Variants in TEX29 observed in about 807,000 individuals in gnomAD.
The protein encoded by TEX29 is testis expressed 29.
In TEX29, 26 loss-of-function variants were observed where a neutral mutation model predicts 18.2. The observed-to-expected ratio is 1.43, with a 90% confidence interval of 1.04 to 1.98. The LOEUF (loss-of-function observed/expected upper bound fraction) is 1.98, where lower values mean the gene tolerates loss of function less well. TEX29 is among the 30% of genes most tolerant of loss of function. The pLI is 0.00. For missense variants in TEX29, 177 were observed against 194.2 expected (o/e 0.91, Z 0.53); for synonymous variants, 83 against 78.5 (o/e 1.06, Z -0.31).
intron 5 of TEX29, among the ~76,000 whole-genome samples, chr13:111,343,774 T>A (rs890273016): frequency 3.3e-5 from 5 of 152,160 alleles, no homozygotes; most frequent in African/African-American, 1.2e-4. Context: ...CACACTTGAT[T>A]TCAGATCTGG....
rs756662997 is a variant in TEX29, at chr13:111,328,240, A to C, written c.116A>C (p.Gln39Pro). 1 of 1,614,072 alleles carries C rather than the reference A, an allele frequency of 6.2e-7. No individual in the cohort carries two copies. The highest frequency in any genetic ancestry group is 1.7e-5 in the Admixed American group (1 of 60,028). Residue 39 changes from glutamine (Q) to proline (P), a missense_variant, in exon 3 of 6, where the codon CAG (glutamine) becomes CCG (proline). Gln to Pro is a moderately conservative substitution (Grantham distance 76). Transcript: ENST00000283547. ...TACAACGTCTCCAGGGACCGATGCC[A>C]GGAGCTCGGGTGCTGCTTCTACGAA... ...CDYNVSRDRC[Q>P]ELGCCFYEGV... is the part of the protein sequence containing the mutation.
At chr13:111,324,972 C>T (rs542436052) in intron 2 of TEX29, among the ~76,000 whole-genome samples, 143 of 152,290 alleles carry the variant, frequency 9.4e-4, no homozygotes, top group Non-Finnish European at 1.8e-3. Context: ...ATGGCAGCCC[C>T]ACTGTCCCTG....
Position 111,327,571 on chromosome 13 carries a change from G to A in TEX29, c.59-612G>A, listed in dbSNP as rs536172321. Among the ~76,000 whole-genome samples the A allele has an allele frequency of 1.7e-3, 254 of 152,256 alleles. 1 individual carries two copies. The highest frequency in any genetic ancestry group is 3.0e-3 in the Non-Finnish European group (202 of 67,996). On this transcript the variant is annotated intron_variant, in intron 2 of 5. Coordinates refer to ENST00000283547, the MANE Select transcript of TEX29 (RefSeq NM_152324.3). Reference sequence around the variant, plus strand: ...CCCAGTCCCTCGGTGGCCCATGGCCGATCAAGGCAGCCACATCCCTCGGGG... The same window carrying A: ...CCCAGTCCCTCGGTGGCCCATGGCCAATCAAGGCAGCCACATCCCTCGGGG...
At position 111,326,088 on chromosome 13, in the gene TEX29, G is replaced by A. The variant is rs186478326; in HGVS notation, c.59-2095G>A. Reference sequence around the variant, plus strand: ...AGAGGTCTCTGTGGATCCCGGCTCCGCTGCGTCCAAGCTGGTGGGATCTTG... The same window carrying A: ...AGAGGTCTCTGTGGATCCCGGCTCCACTGCGTCCAAGCTGGTGGGATCTTG... On this transcript the variant is annotated intron_variant, in intron 2 of 5. Coordinates refer to ENST00000283547, the MANE Select transcript of TEX29 (RefSeq NM_152324.3). Among the ~76,000 whole-genome samples, 11 of 152,320 alleles carry A rather than the reference G, an allele frequency of 7.2e-5. No individual in the cohort carries two copies. The East Asian group carries it at 7.7e-4, about 11-fold the overall frequency.
chr13:111,323,652 C>A (rs35972026), intron 2 of TEX29, among the ~76,000 whole-genome samples: 8,333 of 151,674 alleles, frequency 0.055, 330 homozygotes, highest in Middle Eastern at 0.14. Context: ...TGGTCCTGCA[C>A]ACCCCAGATC....
chr13:111,317,203 C>T (rs987792197), upstream of TEX29, among the ~76,000 whole-genome samples: 1 of 151,964 alleles, frequency 6.6e-6, no homozygotes, highest in Admixed American at 6.6e-5. Flanking sequence ...GTGATGCTGC[C>T]GTGTAACATT....
chr13:111,328,104 C>A, intron 2 of TEX29, 79 bp from the exon 3 acceptor site: 4 of 906,528 alleles, frequency 4.4e-6, no homozygotes, highest in South Asian at 2.8e-5. Context: ...CTCCCCACAC[C>A]GGTTCCCAGG....
upstream of TEX29, among the ~76,000 whole-genome samples, chr13:111,319,348 G>A (rs188806543): frequency 7.2e-5 from 11 of 152,316 alleles, no homozygotes; most frequent in African/African-American, 2.6e-4. Context: ...ATGACTAAGC[G>A]AAATGTGGCA....
chr13:111,320,983 T>TGGGGGGGGGGGGGGGGGGGGGGGGG, intron 2 of TEX29, 35 bp downstream of exon 2: 3 of 193,496 alleles, frequency 1.6e-5, no homozygotes, highest in East Asian at 1.8e-4. Flanking sequence ...GCGGGTGGGG[T>TGGGGGGGGGGGGGGGGGGGGGGGGG]GGGGGAGCAG....
In TEX29 at chr13:111,329,763, A is replaced by G. The variant is rs561247693; in HGVS notation, c.169+1470A>G. 2.6e-5 allele frequency among the ~76,000 whole-genome samples: 4 copies of G among 152,252 alleles called. No individual in the cohort carries two copies. The East Asian group carries it at 7.7e-4, about 29-fold the overall frequency. On this transcript the variant is annotated intron_variant, in intron 3 of 5. Coordinates refer to ENST00000283547, the MANE Select transcript of TEX29 (RefSeq NM_152324.3). ...GGAGGCACATGGGAGGGGTGCTTCT[A>G]CAAGGTCTGAGGGTCTCGTTCCAGT...
chr13:111,317,474 G>A (rs2093656448), upstream of TEX29, among the ~76,000 whole-genome samples: 1 of 152,168 alleles, frequency 6.6e-6, no homozygotes, highest in Non-Finnish European at 1.5e-5. Flanking sequence ...TGTGTCCCCA[G>A]GCCCACCTCC....
chr13:111,323,135 C>T (rs553378532), intron 2 of TEX29, among the ~76,000 whole-genome samples: 9 of 152,362 alleles, frequency 5.9e-5, no homozygotes, highest in East Asian at 5.8e-4. Flanking sequence ...GAGCCCTGCA[C>T]GCCTCCCCTT....
chr13:111,324,596 C>G (rs962135333), intron 2 of TEX29, among the ~76,000 whole-genome samples: 5 of 151,516 alleles, frequency 3.3e-5, no homozygotes, highest in African/African-American at 1.2e-4. Context: ...AGGAAGAATT[C>G]CTGCAAGTGT....
intron 3 of TEX29, among the ~76,000 whole-genome samples, chr13:111,336,399 C>T (rs1286725267): frequency 1.3e-5 from 2 of 152,330 alleles, no homozygotes; most frequent in East Asian, 1.9e-4. Flanking sequence ...GCTCTTTGTG[C>T]ACATAATTCC....
intron 3 of TEX29, 63 bp from the exon 4 acceptor site, chr13:111,339,800 C>T (rs1419673607): frequency 2.5e-6 from 4 of 1,576,550 alleles, no homozygotes; most frequent in African/African-American, 1.4e-5. Context: ...GTTGCCTTTT[C>T]TTCATCTTCT....
upstream of TEX29, chr13:111,316,264 A>T (rs1183309250): frequency 4.0e-6 from 2 of 498,178 alleles, no homozygotes; most frequent in South Asian, 3.0e-5. Context: ...CTCAGTAAGT[A>T]TCTGTTGGAT....
chr13:111,320,397 G>A (rs1328791784), upstream of TEX29, among the ~76,000 whole-genome samples: 1 of 152,214 alleles, frequency 6.6e-6, no homozygotes, highest in East Asian at 1.9e-4. Context: ...AGGCTTGGTG[G>A]GCAAGGGGCG....
At chr13:111,336,364 A>G (rs1326173494) in intron 3 of TEX29, among the ~76,000 whole-genome samples, 1 of 152,254 alleles carries the variant, frequency 6.6e-6, no homozygotes, top group Non-Finnish European at 1.5e-5. Context: ...TGCAAGTTGT[A>G]GTATTCAGTG....
At chr13:111,329,400 C>G (rs924038668) in intron 3 of TEX29, among the ~76,000 whole-genome samples, 3 of 151,986 alleles carry the variant, frequency 2.0e-5, no homozygotes, top group African/African-American at 7.3e-5. Flanking sequence ...TTGTGCAGCT[C>G]AGGGCCACTT....
Sources: allele counts gnomAD v4.1 joint callset (sites outside exome capture counted in the v4.1 genomes callset), GRCh38; gene constraint gnomAD v4.1.1; transcripts MANE v1.5; gene names NCBI Gene and HGNC (gene_info 2026-07-23, HGNC 2026-07-21).